Variants in SLC26A7 observed in about 807,000 individuals in gnomAD.
SLC26A7 encodes the protein solute carrier family 26 member 7, also known as anion exchange transporter.
Under a neutral mutation model 82.5 loss-of-function variants are expected in SLC26A7, and 59 were observed. The ratio of observed to expected loss-of-function variants is 0.72; its 90% CI spans 0.58 to 0.89. The LOEUF (loss-of-function observed/expected upper bound fraction) is 0.89. Ranked by LOEUF, SLC26A7 falls within the 40% of genes least tolerant of loss-of-function variation. The probability of loss-of-function intolerance (pLI) is 0.00; values close to 1 mark genes in which losing one functional copy is unlikely to be tolerated. For missense variants in SLC26A7, 820 were observed against 793.0 expected (o/e 1.03, Z -0.41); for synonymous variants, 271 against 274.3 (o/e 0.99, Z 0.12).
intron 2 of SLC26A7, among the ~76,000 whole-genome samples, chr8:91,283,450 T>C (rs1410665075): frequency 6.6e-6 from 1 of 152,176 alleles, no homozygotes; most frequent in Non-Finnish European, 1.5e-5. Flanking sequence ...AGATGTCCTT[T>C]CATTTTCATT....
At chr8:91,225,318 C>T (rs1052308246) in intron 2 of SLC26A7, among the ~76,000 whole-genome samples, 1 of 152,168 alleles carries the variant, frequency 6.6e-6, no homozygotes, top group Non-Finnish European at 1.5e-5. Flanking sequence ...CAAGTGGGAT[C>T]TTCTGATCTG....
Position 91,351,849 on chromosome 8 carries a change from A to G in SLC26A7, c.1180A>G (p.Ile394Val). 1.2e-6 allele frequency: 2 copies of G among 1,612,578 alleles called. No homozygotes were observed. Among genetic ancestry groups the G allele is most frequent in the South Asian group, 2.2e-5 (2 of 91,028 alleles). The change falls in exon 10 of 19, where the codon ATC becomes GTC. Residue 394 changes from isoleucine (I) to valine (V), a missense_variant. By Grantham distance (29) the Ile-to-Val change is conservative (BLOSUM62 3). Coordinates refer to ENST00000276609, the MANE Select transcript of SLC26A7 (RefSeq NM_052832.4). The stretch of plus-strand genomic sequence containing the variant: ...ATCTTGCATTTTCGTCCTTATAGTC[A>G]TCTATGCAATAGGACCTTTGCTTTA... ...LISCIFVLIV[I>V]YAIGPLLYWL...
At chr8:91,219,211 A>G (rs981788098) in intron 2 of SLC26A7, 2 of 357,014 alleles carry the variant, frequency 5.6e-6, no homozygotes, top group African/African-American at 4.2e-5. Flanking sequence ...TTTGGCTTAA[A>G]AAAGTACAAA....
upstream of SLC26A7, among the ~76,000 whole-genome samples, chr8:91,246,407 A>G (rs1011723666): frequency 6.6e-6 from 1 of 152,246 alleles, no homozygotes; most frequent in African/African-American, 2.4e-5. Flanking sequence ...CTACAGCTCT[A>G]TACACACAAA....
At chr8:91,288,362 T>C (rs1474362610) in intron 2 of SLC26A7, among the ~76,000 whole-genome samples, 5 of 152,206 alleles carry the variant, frequency 3.3e-5, no homozygotes, top group African/African-American at 1.2e-4. Flanking sequence ...TATGAACCCT[T>C]ACTTGTAGAT....
At chr8:91,324,617 T>C (rs1162648785) in intron 5 of SLC26A7, among the ~76,000 whole-genome samples, 1 of 152,196 alleles carries the variant, frequency 6.6e-6, no homozygotes. Flanking sequence ...AGGATACAGT[T>C]GAACAATAAC....
intron 11 of SLC26A7, among the ~76,000 whole-genome samples, chr8:91,358,446 C>T (rs1813941890): frequency 6.6e-6 from 1 of 151,410 alleles, no homozygotes; most frequent in African/African-American, 2.4e-5. Context: ...TCTCCTGCCT[C>T]AGGCTCCCAA....
intron 11 of SLC26A7, 25 bp from the exon 12 acceptor site, chr8:91,362,328 C>CT: frequency 1.3e-6 from 2 of 1,565,436 alleles, no homozygotes; most frequent in East Asian, 4.5e-5. Flanking sequence ...GGATTCACAA[C>CT]TTCTGTTTCT....
intron 1 of SLC26A7, among the ~76,000 whole-genome samples, chr8:91,210,086 C>T (rs988566555): frequency 6.6e-5 from 10 of 152,120 alleles, no homozygotes; most frequent in East Asian, 3.9e-4. Context: ...CCAACAACGA[C>T]TTTGGTGGAG....
At chr8:91,210,124 A>G (rs1457791250) in intron 1 of SLC26A7, among the ~76,000 whole-genome samples, 1 of 152,202 alleles carries the variant, frequency 6.6e-6, no homozygotes, top group African/African-American at 2.4e-5. Context: ...CCAGGGGGTG[A>G]CATTTAAGTA....
intron 2 of SLC26A7, among the ~76,000 whole-genome samples, chr8:91,286,375 A>G (rs34444723): frequency 0.055 from 8,389 of 152,268 alleles, 267 homozygotes; most frequent in African/African-American, 0.069. Flanking sequence ...TAAAAATTTC[A>G]TCTTTCAAAG....
intron 1 of SLC26A7, among the ~76,000 whole-genome samples, chr8:91,211,843 G>A (rs2130646868): frequency 6.6e-6 from 1 of 151,968 alleles, no homozygotes; most frequent in African/African-American, 2.4e-5. Flanking sequence ...GGAGACACTG[G>A]ATGATAAATG....
intron 4 of SLC26A7, among the ~76,000 whole-genome samples, 182 bp from the exon 5 acceptor site, chr8:91,318,034 G>C (rs2130808111): frequency 6.7e-6 from 1 of 149,366 alleles, no homozygotes; most frequent in Admixed American, 6.7e-5. Context: ...AAACCTCTTA[G>C]AACCTAACAA....
In SLC26A7 at chr8:91,269,740, G is replaced by A. The variant is rs532169531; in HGVS notation, c.194-19396G>A. Among the ~76,000 whole-genome samples, 4 of 151,816 alleles carry A rather than the reference G, an allele frequency of 2.6e-5. No individual in the cohort carries two copies. In the East Asian group the frequency reaches 7.8e-4, roughly 29 times the overall value. ...AGTCCTTTTTCTCTCTTTTTTAAGT[G>A]TTCCTAGTAAGTGGAGATTAGTTCA... On this transcript the variant is annotated intron_variant, in intron 2 of 18. Coordinates refer to ENST00000276609, the MANE Select transcript of SLC26A7 (RefSeq NM_052832.4).
chr8:91,341,336 C>A lies in SLC26A7; in HGVS notation c.1026+785C>A, dbSNP rs868157463. Among the ~76,000 whole-genome samples the A allele has an allele frequency of 3.9e-4, 60 of 152,070 alleles. 1 individual carries two copies. The highest frequency in any genetic ancestry group is 1.4e-3 in the African/African-American group (59 of 41,396). Reference sequence around the variant, plus strand: ...ATGAACTCATCATTTTTTATGGCTGCATAGTATTCCATGGTGTATATGTGC... The same window carrying A: ...ATGAACTCATCATTTTTTATGGCTGAATAGTATTCCATGGTGTATATGTGC... On this transcript the variant is annotated intron_variant, in intron 8 of 18. Transcript: ENST00000276609.
chr8:91,234,908 GTTTCTTTC>G (rs1172554593), intron 2 of SLC26A7, among the ~76,000 whole-genome samples: 2 of 126,536 alleles, frequency 1.6e-5, no homozygotes, highest in Non-Finnish European at 3.3e-5. Flanking sequence ...CTCTCTCTCT[GTTTCTTTC>G]TTTCTTTCTT....
chr8:91,380,720 C>T (rs930498119), intron 15 of SLC26A7, among the ~76,000 whole-genome samples: 4 of 152,216 alleles, frequency 2.6e-5, no homozygotes, highest in South Asian at 2.1e-4. Flanking sequence ...CCTTGGAAAA[C>T]GGTTTGGCAA....
chr8:91,340,330 A>G, intron 7 of SLC26A7, 74 bp from the exon 8 acceptor site: 1 of 1,545,586 alleles, frequency 6.5e-7, no homozygotes, highest in Non-Finnish European at 8.8e-7. Context: ...TCATTGCCAC[A>G]GTTAAATTCA....
intron 2 of SLC26A7, among the ~76,000 whole-genome samples, chr8:91,230,021 C>G (rs1810291048): frequency 6.6e-6 from 1 of 152,082 alleles, no homozygotes; most frequent in African/African-American, 2.4e-5. Flanking sequence ...AGATTTTTGC[C>G]TGTTGTAGAA....
Sources: gnomAD v4.1 joint callset for allele counts (sites outside exome capture counted in the v4.1 genomes callset) on GRCh38, gnomAD v4.1.1 for gene constraint, MANE v1.5 for transcripts, NCBI Gene and HGNC (gene_info 2026-07-23, HGNC 2026-07-21) for gene names.